Variants in LIMS1 observed in about 807,000 individuals in gnomAD.
LIMS1 encodes LIM zinc finger domain containing 1, also known as LIM and senescent cell antigen-like-containing domain protein 1.
In LIMS1, 18 loss-of-function variants were observed where a neutral mutation model predicts 44.1. The observed-to-expected ratio is 0.41, with a 90% CI of 0.28 to 0.61. The LOEUF is 0.61. LIMS1 is among the 20% of genes least tolerant of loss of function. The pLI is 0.32. For synonymous variants in LIMS1, 93 were observed against 149.1 expected (o/e 0.62, Z 2.74); for missense variants, 201 against 422.0 (o/e 0.48, Z 4.59).
chr2:108,578,587 A>ATTTTTTTTTTTTTTTTTTTTTTT (rs575139291), intron 1 of LIMS1, among the ~76,000 whole-genome samples: 1 of 100,792 alleles, frequency 9.9e-6, no homozygotes, highest in Non-Finnish European at 2.0e-5. Context: ...AATGTAAATA[A>ATTTTTTTTTTTTTTTTTTTTTTT]TTTTTTTTTT....
chr2:108,566,556 G>A (rs1318291423), intron 1 of LIMS1, among the ~76,000 whole-genome samples: 1 of 152,066 alleles, frequency 6.6e-6, no homozygotes, highest in African/African-American at 2.4e-5. Context: ...AGTGTATCAT[G>A]CTGCTGTTGT....
intron 1 of LIMS1, among the ~76,000 whole-genome samples, chr2:108,607,850 T>C (rs927536839): frequency 3.3e-5 from 5 of 152,194 alleles, no homozygotes; most frequent in African/African-American, 1.2e-4. Flanking sequence ...TCATGTGATA[T>C]TGGTCTCAGA....
intron 1 of LIMS1, among the ~76,000 whole-genome samples, chr2:108,650,911 G>A (rs950371324): frequency 2.6e-5 from 4 of 152,042 alleles, no homozygotes; most frequent in Non-Finnish European, 5.9e-5. Context: ...TACTGATGGT[G>A]GGCTGGATAC....
intron 1 of LIMS1, among the ~76,000 whole-genome samples, chr2:108,567,674 C>T (rs747908361): frequency 1.3e-5 from 2 of 152,092 alleles, no homozygotes; most frequent in Admixed American, 6.6e-5. Flanking sequence ...TGGGTTCAAG[C>T]GATTCTCCTG....
intron 1 of LIMS1, among the ~76,000 whole-genome samples, chr2:108,624,399 A>C (rs762192245): frequency 2.0e-5 from 3 of 152,214 alleles, no homozygotes; most frequent in Non-Finnish European, 4.4e-5. Context: ...AGGGATCTAT[A>C]AATAACTGAT....
At chr2:108,572,509 A>G (rs1228083379) in intron 1 of LIMS1, among the ~76,000 whole-genome samples, 1 of 150,506 alleles carries the variant, frequency 6.6e-6, no homozygotes, top group Non-Finnish European at 1.5e-5. Flanking sequence ...CAGCCTCCTG[A>G]GTATCTGGGA....
At chr2:108,621,496 A>G in intron 1 of LIMS1, 1 of 1,451,802 alleles carries the variant, frequency 6.9e-7, no homozygotes, top group Non-Finnish European at 9.5e-7. Context: ...AAAGGTCAAG[A>G]CATCTAATCT....
chr2:108,566,190 G>C (rs562825689), intron 1 of LIMS1, among the ~76,000 whole-genome samples: 1 of 152,096 alleles, frequency 6.6e-6, no homozygotes, highest in East Asian at 1.9e-4. Flanking sequence ...AGCAAAGTGG[G>C]GATTACAGTC....
chr2:108,683,894 T>G, exon 10 of LIMS1: 1 of 1,562,618 alleles, frequency 6.4e-7, no homozygotes, highest in East Asian at 2.3e-5. Flanking sequence ...GGAATAAGTT[T>G]GTGGAGTTTG....
intron 1 of LIMS1, among the ~76,000 whole-genome samples, chr2:108,572,389 T>TC (rs1184337599): frequency 6.7e-6 from 1 of 149,118 alleles, no homozygotes; most frequent in African/African-American, 2.5e-5. Context: ...GCTTTTTTTT[T>TC]TTTTTTTTTT....
chr2:108,606,476 C>T (rs1477926481), intron 1 of LIMS1, among the ~76,000 whole-genome samples: 2 of 152,118 alleles, frequency 1.3e-5, no homozygotes, highest in South Asian at 2.1e-4. Flanking sequence ...TGTGTGTATA[C>T]GTTAGTAAGA....
chr2:108,575,037 C>T (rs1327498239), intron 1 of LIMS1, among the ~76,000 whole-genome samples: 1 of 152,088 alleles, frequency 6.6e-6, no homozygotes, highest in Non-Finnish European at 1.5e-5. Context: ...ATATAAGTGT[C>T]CTTTGAAATT....
At chr2:108,572,909 G>A (rs1685532785) in intron 1 of LIMS1, among the ~76,000 whole-genome samples, 1 of 152,120 alleles carries the variant, frequency 6.6e-6, no homozygotes, top group South Asian at 2.1e-4. Flanking sequence ...CACATAAATT[G>A]CAGTAGTAAA....
rs1553451192 is a variant in LIMS1, at chr2:108,552,592, G to GTGTGTGTGTA, written c.32+18007_32+18008insATGTGTGTGT. Among the ~76,000 whole-genome samples, 91 of 125,412 alleles carry GTGTGTGTGTA rather than the reference G, an allele frequency of 7.3e-4. No homozygotes were observed. In the South Asian group the frequency reaches 8.7e-3, roughly 12 times the overall value. The allele number at this position is 125,412 out of a possible 152,430, so 82.3% of individuals were successfully genotyped here. ...GTATATATATATATTTTGGGTGTGT[G>GTGTGTGTGTA]TGTGTGTGTGTGTGTGTGTGTTTTT... is the stretch of plus-strand genomic sequence containing the variant. On this transcript the variant is annotated intron_variant, in intron 1 of 9. Transcript: ENST00000544547.
chr2:108,576,859 A>G (rs925409182), intron 1 of LIMS1, among the ~76,000 whole-genome samples: 6 of 152,112 alleles, frequency 3.9e-5, no homozygotes, highest in African/African-American at 1.4e-4. Flanking sequence ...TAAATATCCT[A>G]AAAAGAGGTA....
intron 1 of LIMS1, among the ~76,000 whole-genome samples, chr2:108,537,835 A>G (rs982758705): frequency 6.6e-6 from 1 of 152,108 alleles, no homozygotes; most frequent in African/African-American, 2.4e-5. Flanking sequence ...CTTTCCTCCT[A>G]GAGAGGGGGA....
At chr2:108,682,926 T>G (rs997047627) in intron 9 of LIMS1, among the ~76,000 whole-genome samples, 5 of 152,244 alleles carry the variant, frequency 3.3e-5, no homozygotes, top group Admixed American at 3.3e-4. Flanking sequence ...TTAAACACTC[T>G]GGATTTCAAC....
At chr2:108,638,079 C>T (rs1250437111) in intron 1 of LIMS1, among the ~76,000 whole-genome samples, 1 of 152,044 alleles carries the variant, frequency 6.6e-6, no homozygotes, top group African/African-American at 2.4e-5. Context: ...CTCCTGAGCT[C>T]AAGTGATCCT....
intron 1 of LIMS1, among the ~76,000 whole-genome samples, chr2:108,608,462 C>T (rs1201223525): frequency 2.0e-5 from 3 of 152,060 alleles, no homozygotes; most frequent in African/African-American, 7.2e-5. Context: ...CCCGCCACCA[C>T]ACCCAGCTAA....
Sources: gnomAD v4.1 joint callset for allele counts (sites outside exome capture counted in the v4.1 genomes callset) on GRCh38, gnomAD v4.1.1 for gene constraint, MANE v1.5 for transcripts, NCBI Gene and HGNC (gene_info 2026-07-23, HGNC 2026-07-21) for gene names.